SNTG2: variants seen among roughly 807,000 people sequenced by gnomAD.
SNTG2 encodes syntrophin gamma 2, also known as gamma-2-syntrophin.
In SNTG2, 74 loss-of-function variants were observed where a neutral mutation model predicts 70.9. That is an observed-to-expected ratio of 1.04 (90% CI 0.86 to 1.27). SNTG2 has a LOEUF of 1.27. Ranked by LOEUF, SNTG2 falls within the 50% of genes most tolerant of loss-of-function variation. The pLI is 0.00. For synonymous variants in SNTG2, 278 were observed against 273.8 expected, an observed-to-expected ratio of 1.02 and a Z score of -0.15; for missense variants, 717 against 690.7, an observed-to-expected ratio of 1.04 and a Z score of -0.43.
At chr2:1,242,765 T>C (rs1195699453) in intron 11 of SNTG2, 4 of 152,182 alleles carry the variant, frequency 2.6e-5, no homozygotes, top group African/African-American at 9.7e-5. Flanking sequence ...CTGCATGTTA[T>C]CATCTGGTGG....
chr2:1,044,053 TTTTA>T (rs1435562958), intron 1 of SNTG2, among the ~76,000 whole-genome samples: 8 of 152,266 alleles, frequency 5.3e-5, no homozygotes, highest in African/African-American at 7.2e-5. Flanking sequence ...GTGGAATCTT[TTTTA>T]TTTGTTTGGG....
At chr2:1,160,004 A>G (rs1266764592) in intron 6 of SNTG2, 1 of 152,214 alleles carries the variant, frequency 6.6e-6, no homozygotes, top group Non-Finnish European at 1.5e-5. Context: ...CTAGAAATAC[A>G]TGAATAATAT....
intron 1 of SNTG2, among the ~76,000 whole-genome samples, chr2:1,058,332 A>AT (rs921758586): frequency 2.6e-4 from 39 of 151,800 alleles, no homozygotes; most frequent in African/African-American, 4.3e-4. Context: ...TAGGCATTGG[A>AT]TTTTTTTTTA....
intron 12 of SNTG2, among the ~76,000 whole-genome samples, chr2:1,255,189 G>A (rs190707323): frequency 2.0e-5 from 3 of 152,286 alleles, no homozygotes; most frequent in East Asian, 3.9e-4. Context: ...TCAGGAATTC[G>A]TTTGTCCAAT....
At chr2:1,143,366 C>T (rs566010405) in intron 6 of SNTG2, among the ~76,000 whole-genome samples, 1 of 152,132 alleles carries the variant, frequency 6.6e-6, no homozygotes, top group Non-Finnish European at 1.5e-5. Context: ...AGTCCCTGGG[C>T]CTTGTCATTG....
intron 9 of SNTG2, among the ~76,000 whole-genome samples, chr2:1,213,436 A>G (rs543070689): frequency 2.0e-5 from 3 of 152,348 alleles, no homozygotes; most frequent in South Asian, 2.1e-4. Flanking sequence ...CTAAATAAAG[A>G]CCAAAACACT....
chr2:1,264,991 T>C (rs940684204), intron 13 of SNTG2, among the ~76,000 whole-genome samples: 1 of 152,114 alleles, frequency 6.6e-6, no homozygotes, highest in African/African-American at 2.4e-5. Context: ...TTTAGGGGAG[T>C]CAAAAGTTAT....
chr2:1,031,528 A>ATATATATATATATATATTTTT, intron 1 of SNTG2, among the ~76,000 whole-genome samples: 5 of 59,118 alleles, frequency 8.5e-5, no homozygotes, highest in African/African-American at 3.3e-4. Context: ...ATATATATAT[A>ATATATATATATATATATTTTT]TTTTTTTTTT....
intron 12 of SNTG2, among the ~76,000 whole-genome samples, chr2:1,253,897 C>T (rs1377097075): frequency 6.6e-6 from 1 of 151,908 alleles, no homozygotes; most frequent in African/African-American, 2.4e-5. Context: ...ACAATCAGAT[C>T]TCATGAGAAC....
chr2:1,039,306 C>G (rs1426942890), intron 1 of SNTG2, among the ~76,000 whole-genome samples: 1 of 152,116 alleles, frequency 6.6e-6, no homozygotes, highest in African/African-American at 2.4e-5. Context: ...TCCATTTTTT[C>G]TCACAATTAG....
intron 16 of SNTG2, among the ~76,000 whole-genome samples, chr2:1,317,958 A>G (rs1681365171): frequency 6.6e-6 from 1 of 152,272 alleles, no homozygotes; most frequent in Non-Finnish European, 1.5e-5. Flanking sequence ...ATTTTAAAAT[A>G]TACCAGAAGT....
chr2:1,029,135 C>A (rs1468917246), intron 1 of SNTG2, among the ~76,000 whole-genome samples: 1 of 152,150 alleles, frequency 6.6e-6, no homozygotes, highest in Admixed American at 6.5e-5. Context: ...AATCATATAT[C>A]GAAAACCCCA....
chr2:1,229,514 CT>C (rs1676040807), intron 9 of SNTG2, among the ~76,000 whole-genome samples: 1 of 152,270 alleles, frequency 6.6e-6, no homozygotes, highest in Non-Finnish European at 1.5e-5. Context: ...CCCCACCAGA[CT>C]CAGGAGCCCA....
intron 1 of SNTG2, among the ~76,000 whole-genome samples, chr2:1,060,189 CT>C (rs1425382188): frequency 1.3e-5 from 2 of 151,886 alleles, no homozygotes; most frequent in African/African-American, 4.8e-5. Context: ...TGTAATTACA[CT>C]AAAATAAAAC....
chr2:1,267,471 A>G lies in SNTG2; in HGVS notation c.1184A>G (p.His395Arg), dbSNP rs779951966. 12 of 1,613,808 alleles carry G rather than the reference A, an allele frequency of 7.4e-6. No individual in the cohort carries two copies. In the South Asian group the frequency reaches 1.3e-4, roughly 18 times the overall value. The change falls in exon 14 of 17, where the codon CAT becomes CGT. Residue 395 changes from histidine (H) to arginine (R), a missense_variant. His to Arg is a conservative substitution (Grantham distance 29, BLOSUM62 0). Coordinates refer to ENST00000308624, the MANE Select transcript of SNTG2 (RefSeq NM_018968.4). ...RPYCFSIVAG[H>R]GKSHVFNVEL... Reference sequence around the variant, plus strand: ...TATTGCTTCAGCATCGTGGCCGGCCATGGGAAGAGCCATGTTTTCAACGTG... The same window carrying G: ...TATTGCTTCAGCATCGTGGCCGGCCGTGGGAAGAGCCATGTTTTCAACGTG...
intron 1 of SNTG2, among the ~76,000 whole-genome samples, chr2:1,057,038 C>T (rs1008795306): frequency 1.3e-5 from 2 of 151,704 alleles, no homozygotes; most frequent in African/African-American, 4.9e-5. Context: ...GGGAACGATG[C>T]ATGCCGCTTC....
At chr2:965,068 T>C (rs1339829204) in intron 1 of SNTG2, among the ~76,000 whole-genome samples, 1 of 144,620 alleles carries the variant, frequency 6.9e-6, no homozygotes, top group African/African-American at 2.5e-5. Context: ...GAATCCTCCT[T>C]AGTCCCCCAG....
chr2:1,156,245 G>T (rs1669889877), intron 6 of SNTG2, among the ~76,000 whole-genome samples: 1 of 152,186 alleles, frequency 6.6e-6, no homozygotes, highest in African/African-American at 2.4e-5. Flanking sequence ...CGAATGCATG[G>T]GGCAGAGGCT....
chr2:1,258,301 C>T (rs1678234733), intron 12 of SNTG2, among the ~76,000 whole-genome samples: 1 of 152,170 alleles, frequency 6.6e-6, no homozygotes, highest in Non-Finnish European at 1.5e-5. Flanking sequence ...CTAGCAAATT[C>T]GAGATGTAAC....
Sources: allele counts gnomAD v4.1 joint callset (sites outside exome capture counted in the v4.1 genomes callset), GRCh38; gene constraint gnomAD v4.1.1; transcripts MANE v1.5; gene names NCBI Gene and HGNC (gene_info 2026-07-23, HGNC 2026-07-21).